The following UTRN variants were observed in gnomAD, a reference collection of about 807,000 sequenced individuals.
UTRN encodes dystrophin-related protein 1.
A neutral mutation model predicts 463.9 loss-of-function variants in UTRN; 283 were observed. That is an observed-to-expected ratio of 0.61 (90% CI 0.55 to 0.67). The LOEUF is 0.67. Among genes scored for constraint, UTRN ranks in the 30% least tolerant of loss-of-function variants. The probability of loss-of-function intolerance (pLI) is 0.00; values close to 1 mark genes in which losing one functional copy is unlikely to be tolerated. For missense variants in UTRN, 3,922 were observed against 4,084.3 expected, an observed-to-expected ratio of 0.96 and a Z score of 1.08; for synonymous variants, 1,442 against 1,431.5, an observed-to-expected ratio of 1.01 and a Z score of -0.17.
In UTRN at chr6:144,509,849, T is replaced by G. The variant is rs80000041; in HGVS notation, c.4765-1095T>G. 2.5e-3 allele frequency among the ~76,000 whole-genome samples: 377 copies of G among 152,302 alleles called. 13 individuals carry two copies. In the East Asian group the frequency reaches 0.059, roughly 24 times the overall value. ...TTAGATGTAATTACTTGTAGTTCAT[T>G]ATTTTTTATAGTTCTTAAATGCTAT... is the stretch of plus-strand genomic sequence containing the variant. On this transcript the variant is annotated intron_variant, in intron 34 of 74. Coordinates refer to ENST00000367545, the MANE Select transcript of UTRN (RefSeq NM_007124.3).
intron 51 of UTRN, among the ~76,000 whole-genome samples, chr6:144,595,873 A>G (rs745924229): frequency 6.6e-6 from 1 of 152,204 alleles, no homozygotes; most frequent in East Asian, 1.9e-4. Flanking sequence ...ATTAATGACC[A>G]TAATGACTGA....
intron 53 of UTRN, among the ~76,000 whole-genome samples, chr6:144,713,443 TAA>T (rs34428268): frequency 1.1e-4 from 16 of 143,480 alleles, no homozygotes; most frequent in East Asian, 2.0e-4. Flanking sequence ...CCATCTCTAC[TAA>T]AAAAAAAAAA....
At chr6:144,391,009 TCATTTA>T (rs1781864326) in intron 2 of UTRN, among the ~76,000 whole-genome samples, 1 of 11,544 alleles carries the variant, frequency 8.7e-5, no homozygotes, top group East Asian at 1.9e-3. Context: ...TAACAATTAG[TCATTTA>T]GACTAGAAAA....
intron 60 of UTRN, among the ~76,000 whole-genome samples, chr6:144,779,417 AT>A (rs1401477347): frequency 4.6e-5 from 7 of 152,216 alleles, no homozygotes; most frequent in Admixed American, 2.0e-4. Context: ...CACATATTTG[AT>A]ATGCTATGTA....
chr6:144,566,893 A>C (rs1326530181), intron 50 of UTRN, among the ~76,000 whole-genome samples: 1 of 152,108 alleles, frequency 6.6e-6, no homozygotes, highest in African/African-American at 2.4e-5. Context: ...CATGTCTGTA[A>C]TCCAGCACTT....
intron 51 of UTRN, among the ~76,000 whole-genome samples, chr6:144,605,775 T>C (rs1804783900): frequency 6.6e-6 from 1 of 151,926 alleles, no homozygotes; most frequent in Non-Finnish European, 1.5e-5. Context: ...TTTCATAGTA[T>C]AAATGCAGGC....
intron 58 of UTRN, among the ~76,000 whole-genome samples, chr6:144,770,312 G>A (rs774808304): frequency 2.0e-5 from 3 of 152,082 alleles, no homozygotes; most frequent in Admixed American, 6.5e-5. Flanking sequence ...TGGGGTTTTT[G>A]TTACCTGTGT....
intron 27 of UTRN, among the ~76,000 whole-genome samples, chr6:144,484,751 A>C (rs747116683): frequency 6.6e-6 from 1 of 151,868 alleles, no homozygotes; most frequent in Non-Finnish European, 1.5e-5. Flanking sequence ...TCTTTAAAAA[A>C]CAAACTAAAT....
chr6:144,575,075 C>T (rs1001446273), intron 50 of UTRN, among the ~76,000 whole-genome samples: 3 of 152,052 alleles, frequency 2.0e-5, no homozygotes, highest in Non-Finnish European at 4.4e-5. Flanking sequence ...TTCTTAAAGC[C>T]GTTTTAACAT....
intron 50 of UTRN, among the ~76,000 whole-genome samples, chr6:144,573,499 G>A (rs1218103178): frequency 6.6e-6 from 1 of 152,012 alleles, no homozygotes; most frequent in Non-Finnish European, 1.5e-5. Flanking sequence ...TTTGAGACCA[G>A]CCTAGTCAAC....
chr6:144,390,879 C>T (rs1781846074), intron 2 of UTRN, among the ~76,000 whole-genome samples: 1 of 152,150 alleles, frequency 6.6e-6, no homozygotes, highest in African/African-American at 2.4e-5. Context: ...CCACAGCTTC[C>T]TTGAAAGCAA....
At position 144,748,453 on chromosome 6, in the gene UTRN, G is replaced by T. The variant is rs188573555; in HGVS notation, c.8147G>T (p.Gly2716Val). Residue 2716 changes from glycine (G) to valine (V), a missense_variant, in exon 55 of 75, where the codon GGC (glycine) becomes GTC (valine). By Grantham distance (109) the Gly-to-Val change is moderately radical (BLOSUM62 -3). This residue lies in a region of UTRN where 1,309 missense variants were observed against 1,452.6 expected (regional missense o/e 0.90). Coordinates refer to ENST00000367545, the MANE Select transcript of UTRN (RefSeq NM_007124.3). ...AAGGAGGCAGAGTCCGTGCGGAATG[G>T]CTGGAAGCCCGTGGGAGACTTACTC... The part of the protein sequence containing the change: ...DMKEAESVRN[G>V]WKPVGDLLID... The T allele has an allele frequency of 6.2e-7, 1 of 1,613,868 alleles. No homozygotes were observed. Among genetic ancestry groups the T allele is most frequent in the Non-Finnish European group, 8.5e-7 (1 of 1,179,926 alleles).
At chr6:144,320,454 T>G (rs1344282239) in intron 2 of UTRN, among the ~76,000 whole-genome samples, 6 of 152,220 alleles carry the variant, frequency 3.9e-5, no homozygotes, top group Admixed American at 3.9e-4. Context: ...GACCCACTTT[T>G]CTGGCCACTG....
At chr6:144,703,539 G>A (rs912667087) in intron 53 of UTRN, among the ~76,000 whole-genome samples, 1 of 152,178 alleles carries the variant, frequency 6.6e-6, no homozygotes, top group African/African-American at 2.4e-5. Flanking sequence ...CAGAGGTTGG[G>A]AAAATGAGGA....
chr6:144,557,431 A>T, intron 50 of UTRN, 120 bp downstream of exon 50: 2 of 1,009,744 alleles, frequency 2.0e-6, no homozygotes, highest in South Asian at 3.8e-5. Context: ...ATTATTATGT[A>T]TTTTTATACT....
chr6:144,387,920 C>T (rs1379775869), intron 2 of UTRN, among the ~76,000 whole-genome samples: 5 of 152,182 alleles, frequency 3.3e-5, no homozygotes, highest in South Asian at 4.1e-4. Flanking sequence ...CAGACAGACC[C>T]GCAGACAGAC....
chr6:144,851,133 C>A lies in UTRN; in HGVS notation c.*136C>A. The A allele has an allele frequency of 9.0e-7, 1 of 1,114,884 alleles. No homozygotes were observed. Among genetic ancestry groups the A allele is most frequent in the Non-Finnish European group, 1.4e-6 (1 of 732,004 alleles). 69.1% of individuals were successfully genotyped at this position (1,114,884 alleles called of 1,614,324 possible). A position where few individuals can be genotyped will look rare whatever the true frequency, so the allele number is the denominator to read the frequency against. On this transcript the variant is annotated 3_prime_UTR_variant, in exon 75 of 75. Coordinates refer to ENST00000367545, the MANE Select transcript of UTRN (RefSeq NM_007124.3). Reference sequence around the variant, plus strand: ...TGTTGAGTGCTGACTGTGTGTTCTACTGAAAGAGTAAAACACTGACTATCC... The same window carrying A: ...TGTTGAGTGCTGACTGTGTGTTCTAATGAAAGAGTAAAACACTGACTATCC...
At chr6:144,680,343 A>G (rs1265034293) in intron 52 of UTRN, among the ~76,000 whole-genome samples, 2 of 151,972 alleles carry the variant, frequency 1.3e-5, no homozygotes, top group African/African-American at 4.8e-5. Flanking sequence ...ATTTTTTTTT[A>G]ACCTGGAAAG....
At chr6:144,652,531 G>A (rs1250842655) in intron 51 of UTRN, among the ~76,000 whole-genome samples, 1 of 152,162 alleles carries the variant, frequency 6.6e-6, no homozygotes, top group Non-Finnish European at 1.5e-5. Flanking sequence ...ATAAAGCGAT[G>A]CTTCAATTGC....
Sources: gnomAD v4.1 joint callset for allele counts (sites outside exome capture counted in the v4.1 genomes callset) on GRCh38, gnomAD v4.1.1 for gene constraint, gnomAD v4.1.1 regional missense constraint, MANE v1.5 for transcripts, NCBI Gene and HGNC (gene_info 2026-07-23, HGNC 2026-07-21) for gene names.